The following PUM3 variants were observed in gnomAD, a reference collection of about 807,000 sequenced individuals.
PUM3 encodes pumilio homolog 3.
Under a neutral mutation model 84.0 loss-of-function variants are expected in PUM3, and 91 were observed. The observed-to-expected ratio is 1.08, with a 90% CI of 0.91 to 1.29. PUM3 has a LOEUF of 1.29. Ranked by LOEUF, PUM3 falls within the 50% of genes most tolerant of loss-of-function variation. The pLI is 0.00. For missense variants in PUM3, 1,067 were observed against 767.5 expected (o/e 1.39, Z -4.61); for synonymous variants, 321 against 266.7 (o/e 1.20, Z -1.98).
At chr9:2,823,738 T>C (rs1243831593) in intron 12 of PUM3, 43 bp downstream of exon 12, 1 of 881,728 alleles carries the variant, frequency 1.1e-6, no homozygotes, top group Middle Eastern at 2.7e-4. Context: ...GAATTCATCT[T>C]ACTATCAAAA....
At chr9:2,840,765 A>T (rs1164655233) in intron 1 of PUM3, among the ~76,000 whole-genome samples, 1 of 152,030 alleles carries the variant, frequency 6.6e-6, no homozygotes, top group Admixed American at 6.5e-5. Context: ...GCACATCCTT[A>T]TTTCCTGGCA....
chr9:2,836,370 C>A (rs1179128668), intron 3 of PUM3, among the ~76,000 whole-genome samples: 2 of 152,160 alleles, frequency 1.3e-5, no homozygotes, highest in African/African-American at 2.4e-5. Flanking sequence ...ATATGACAAT[C>A]CACATAACCT....
At chr9:2,833,984 T>C (rs369546180) in intron 4 of PUM3, 47 bp downstream of exon 4, 563 of 1,587,538 alleles carry the variant, frequency 3.5e-4, no homozygotes, top group Non-Finnish European at 4.6e-4. Flanking sequence ...CACTGACTTC[T>C]CCACTGTTGC....
At chr9:2,842,267 G>C (rs1454394762) in intron 1 of PUM3, among the ~76,000 whole-genome samples, 1 of 151,884 alleles carries the variant, frequency 6.6e-6, no homozygotes, top group Non-Finnish European at 1.5e-5. Flanking sequence ...GCTCAGTTTT[G>C]TTTAGATCCT....
At chr9:2,804,996 G>T (rs1821231760) in intron 17 of PUM3, among the ~76,000 whole-genome samples, 1 of 152,184 alleles carries the variant, frequency 6.6e-6, no homozygotes, top group Non-Finnish European at 1.5e-5. Context: ...AGGGCGAAGG[G>T]CTTCACTGTG....
intron 11 of PUM3, among the ~76,000 whole-genome samples, chr9:2,824,223 AG>A (rs1815745621): frequency 6.6e-6 from 1 of 152,196 alleles, no homozygotes; most frequent in South Asian, 2.1e-4. Context: ...AAGTAGATAT[AG>A]TACAACTATC....
chr9:2,842,016 T>C (rs932205302), intron 1 of PUM3, among the ~76,000 whole-genome samples: 1 of 152,192 alleles, frequency 6.6e-6, no homozygotes, highest in Non-Finnish European at 1.5e-5. Flanking sequence ...CCCTCTTTCC[T>C]GACTGCCAAT....
intron 10 of PUM3, among the ~76,000 whole-genome samples, chr9:2,825,626 G>A (rs964097881): frequency 2.0e-5 from 3 of 151,994 alleles, no homozygotes; most frequent in East Asian, 3.9e-4. Context: ...GGGGCTACAG[G>A]TGCCCGCCAC....
At chr9:2,827,528 G>A (rs1815856649) in intron 9 of PUM3, among the ~76,000 whole-genome samples, 1 of 152,070 alleles carries the variant, frequency 6.6e-6, no homozygotes, top group East Asian at 1.9e-4. Flanking sequence ...TTTTATTTCT[G>A]TTAACACCCT....
chr9:2,825,605 C>G (rs1041870794), intron 10 of PUM3, among the ~76,000 whole-genome samples: 1 of 152,078 alleles, frequency 6.6e-6, no homozygotes, highest in Non-Finnish European at 1.5e-5. Flanking sequence ...GCCTCAGCCT[C>G]CCGAGTAGCT....
chr9:2,824,548 A>G (rs183536417), intron 11 of PUM3, among the ~76,000 whole-genome samples, 169 bp downstream of exon 11: 2 of 152,386 alleles, frequency 1.3e-5, no homozygotes, highest in Admixed American at 1.3e-4. Context: ...CTAGGCCTAA[A>G]GAAGATGGCT....
chr9:2,815,577 T>C (rs1345848696), intron 13 of PUM3, among the ~76,000 whole-genome samples: 4 of 152,222 alleles, frequency 2.6e-5, no homozygotes, highest in Admixed American at 1.3e-4. Flanking sequence ...AAGGAAATGA[T>C]ACACCTGCCT....
At chr9:2,830,842 T>G in intron 7 of PUM3, 120 bp downstream of exon 7, 1 of 630,364 alleles carries the variant, frequency 1.6e-6, no homozygotes, top group Non-Finnish European at 2.9e-6. Flanking sequence ...AAGCATCTGC[T>G]GAGAGCCATT....
At chr9:2,829,063 A>C (rs1211432656) in intron 8 of PUM3, among the ~76,000 whole-genome samples, 1 of 152,204 alleles carries the variant, frequency 6.6e-6, no homozygotes, top group African/African-American at 2.4e-5. Flanking sequence ...TCAAGTAGTC[A>C]CTTCACAAAT....
intron 13 of PUM3, among the ~76,000 whole-genome samples, chr9:2,816,306 G>C (rs2129811325): frequency 6.6e-6 from 1 of 152,298 alleles, no homozygotes; most frequent in East Asian, 1.9e-4. Context: ...AGCTTCCCAA[G>C]TATTTTGTTC....
chr9:2,833,669 C>G (rs1427282063), intron 4 of PUM3, among the ~76,000 whole-genome samples: 1 of 144,886 alleles, frequency 6.9e-6, no homozygotes, highest in Non-Finnish European at 1.5e-5. Context: ...ATCTTAACAG[C>G]CAGAACTTCA....
chr9:2,828,761 A>G lies in PUM3; in HGVS notation c.870T>C (p.Thr290=), dbSNP rs1200319044. The G allele has an allele frequency of 6.3e-7, 1 of 1,598,794 alleles. No individual in the cohort carries two copies. The highest frequency in any genetic ancestry group is 2.2e-5 in the East Asian group (1 of 44,774). Residue 290 remains threonine, a synonymous_variant, in exon 9 of 18, where the codon ACT becomes ACC. Coordinates refer to ENST00000397885, the MANE Select transcript of PUM3 (RefSeq NM_014878.5). ...GCTGTACCTCTAACACTTTGTCCAGAGTTCGGTGATCTGCTGACTGCAACA... is the reference window on the plus strand; with the variant it reads ...GCTGTACCTCTAACACTTTGTCCAGGGTTCGGTGATCTGCTGACTGCAACA... ...FQLYKSADHR[T]LDKVLEVQPE...
intron 15 of PUM3, 50 bp downstream of exon 15, chr9:2,811,311 G>A (rs747361858): frequency 6.3e-7 from 1 of 1,577,438 alleles, no homozygotes; most frequent in African/African-American, 1.3e-5. Context: ...CAAAAACGAA[G>A]TTTTTGTGGC....
intron 13 of PUM3, among the ~76,000 whole-genome samples, chr9:2,817,634 T>C (rs1333508209): frequency 6.6e-6 from 1 of 152,128 alleles, no homozygotes; most frequent in Non-Finnish European, 1.5e-5. Flanking sequence ...CCACATATAG[T>C]GAAAGGATAA....
Sources: gnomAD v4.1 joint callset for allele counts (sites outside exome capture counted in the v4.1 genomes callset) on GRCh38, gnomAD v4.1.1 for gene constraint, MANE v1.5 for transcripts, NCBI Gene and HGNC (gene_info 2026-07-23, HGNC 2026-07-21) for gene names.